IFT27: variants seen among roughly 807,000 people sequenced by gnomAD.
IFT27 encodes intraflagellar transport protein 27 homolog.
IFT27 carries 19 observed loss-of-function variants against 23.9 expected under a neutral mutation model. The observed-to-expected ratio is 0.79, with a 90% confidence interval of 0.55 to 1.16. The LOEUF (loss-of-function observed/expected upper bound fraction) is 1.16, where lower values mean the gene tolerates loss of function less well. Ranked by LOEUF, IFT27 falls within the 50% of genes most tolerant of loss-of-function variation. IFT27 has a pLI of 0.00. For missense variants in IFT27, 206 were observed against 228.7 expected (o/e 0.90, Z 0.64); for synonymous variants, 91 against 89.1 (o/e 1.02, Z -0.12).
At position 36,764,016 on chromosome 22, in the gene IFT27, TAA is replaced by T. The variant is rs1034203314; in HGVS notation, c.253_254del (p.Leu85MetfsTer5). On this transcript the variant is annotated frameshift_variant, in exon 5 of 7. Coordinates refer to ENST00000433985, the MANE Select transcript of IFT27 (RefSeq NM_001177701.3). LOFTEE classifies it high-confidence loss of function. Reference sequence around the variant, plus strand: ...CATTGGTCACATCATAGACGAGACATAAGACATTGGGACTCTCCCACTGTGCA... The same window carrying T: ...CATTGGTCACATCATAGACGAGACATGACATTGGGACTCTCCCACTGTGCA... ...LDKLWESPNV[L>X]CLVYDVTNEE... 2.5e-6 allele frequency: 4 copies of T among 1,613,580 alleles called. No homozygotes were observed. The highest frequency in any genetic ancestry group is 2.5e-6 in the Non-Finnish European group (3 of 1,179,610).
intron 5 of IFT27, chr22:36,763,392 C>T (rs983441327): frequency 1.2e-5 from 3 of 257,296 alleles, no homozygotes; most frequent in Admixed American, 1.0e-4. Context: ...TCTAAGGACT[C>T]GGCTCGGAGT....
At position 36,767,342 on chromosome 22, in the gene IFT27, C is replaced by T; in HGVS notation, c.138G>A (p.Val46=). 1 of 1,613,808 alleles carries T rather than the reference C, an allele frequency of 6.2e-7. No individual in the cohort carries two copies. Among genetic ancestry groups the T allele is most frequent in the Non-Finnish European group, 8.5e-7 (1 of 1,179,830 alleles). ...CCGTGTCAGGAACTGGCACTGTCTT[C>T]ACCACCAAATCCATTCCTGTTGTCT... ...YTLTTGMDLV[V]KTVPVPDTGD... The change falls in exon 3 of 7, where the codon GTG becomes GTA. Residue 46 remains valine, a synonymous_variant. Coordinates refer to ENST00000433985, the MANE Select transcript of IFT27 (RefSeq NM_001177701.3).
intron 2 of IFT27, 45 bp from the exon 3 acceptor site, chr22:36,767,410 G>A: frequency 3.8e-6 from 6 of 1,563,084 alleles, no homozygotes; most frequent in Non-Finnish European, 5.3e-6. Context: ...GCCCCCAAAG[G>A]GAGAGCATGT....
At chr22:36,771,823 A>G (rs1054711391) in intron 1 of IFT27, among the ~76,000 whole-genome samples, 5 of 152,130 alleles carry the variant, frequency 3.3e-5, no homozygotes, top group Non-Finnish European at 7.4e-5. Context: ...TTATCCACCC[A>G]GTGGGTGGCA....
chr22:36,772,851 C>G, intron 1 of IFT27: 1 of 775,522 alleles, frequency 1.3e-6, no homozygotes, highest in Non-Finnish European at 1.6e-6. Flanking sequence ...AAACCAATGG[C>G]ATGTGTGTGG....
chr22:36,758,218 T>C lies in IFT27; in HGVS notation c.*93A>G. 1 of 1,106,070 alleles carries C rather than the reference T, an allele frequency of 9.0e-7. No homozygotes were observed. The highest frequency in any genetic ancestry group is 1.4e-6 in the Non-Finnish European group (1 of 724,360). 68.5% of individuals were successfully genotyped at this position (1,106,070 alleles called of 1,614,324 possible). A position where few individuals can be genotyped will look rare whatever the true frequency, so the allele number is the denominator to read the frequency against. On this transcript the variant is annotated 3_prime_UTR_variant, in exon 7 of 7. Coordinates refer to ENST00000433985, the MANE Select transcript of IFT27 (RefSeq NM_001177701.3). ...GGAAGGAGCTGCTGCTTCGACATTTTCTCCTAATTTTATTTAAAGCCATCA... is the reference window on the plus strand; with the variant it reads ...GGAAGGAGCTGCTGCTTCGACATTTCCTCCTAATTTTATTTAAAGCCATCA...
intron 5 of IFT27, chr22:36,763,611 G>A: frequency 2.1e-6 from 1 of 468,284 alleles, no homozygotes; most frequent in Non-Finnish European, 3.9e-6. Context: ...AGAAAATTAG[G>A]AACTCTTCCC....
intron 1 of IFT27, among the ~76,000 whole-genome samples, chr22:36,770,375 C>A (rs1459687630): frequency 6.6e-6 from 1 of 152,062 alleles, no homozygotes; most frequent in Non-Finnish European, 1.5e-5. Flanking sequence ...TGCCCCTCTG[C>A]CCCCCGAGTG....
At chr22:36,766,354 AGAT>A (rs1190078999) in intron 3 of IFT27, 157 bp from the exon 4 acceptor site, 1 of 658,216 alleles carries the variant, frequency 1.5e-6, no homozygotes, top group African/African-American at 1.8e-5. Context: ...GCACGAGAGA[AGAT>A]GAAGGGGAAA....
intron 5 of IFT27, chr22:36,763,607 T>A (rs550316066): frequency 2.2e-6 from 1 of 459,064 alleles, no homozygotes; most frequent in South Asian, 2.1e-5. Context: ...CAAGAGAAAA[T>A]TAGGAACTCT....
At chr22:36,763,063 A>T in intron 5 of IFT27, 50 bp from the exon 6 acceptor site, 1 of 1,374,612 alleles carries the variant, frequency 7.3e-7, no homozygotes, top group Non-Finnish European at 1.0e-6. Flanking sequence ...CACACTCTGG[A>T]AGGACAGCGG....
chr22:36,768,404 T>C (rs1938310892), intron 1 of IFT27: 5 of 282,502 alleles, frequency 1.8e-5, no homozygotes, highest in Non-Finnish European at 2.8e-5. Flanking sequence ...TGAAATCTCT[T>C]TCCAAATGCT....
At position 36,766,196 on chromosome 22, in the gene IFT27, T is replaced by G. The variant is rs1938245144; in HGVS notation, c.176A>C (p.Glu59Ala). The part of the protein sequence containing the change: ...VPVPDTGDSV[E>A]LFIFDSAGKE... ...GCCAGCAGAGTCAAAAATGAAGAGT[T>G]CCTACAATCAGAAAAGCAAGAAAAG... The change falls in exon 4 of 7, where the codon GAA (glutamate) becomes GCA (alanine). Residue 59 changes from glutamate to alanine, a missense_variant and splice_region_variant. Physicochemically the swap from Glu to Ala is moderately radical, Grantham distance 107. Transcript: ENST00000433985. 2 of 1,613,926 alleles carry G rather than the reference T, an allele frequency of 1.2e-6. No individual in the cohort carries two copies. The highest frequency in any genetic ancestry group is 2.7e-5 in the African/African-American group (2 of 75,018).
chr22:36,760,703 C>T (rs577926800), intron 6 of IFT27: 1 of 155,020 alleles, frequency 6.5e-6, no homozygotes, highest in Admixed American at 6.5e-5. Flanking sequence ...GCAAGCTACA[C>T]AACCTTTCTG....
At chr22:36,766,612 C>T (rs1291773523) in intron 3 of IFT27, among the ~76,000 whole-genome samples, 2 of 152,210 alleles carry the variant, frequency 1.3e-5, no homozygotes, top group Non-Finnish European at 2.9e-5. Context: ...AAGGAGGTCA[C>T]TGAGTAGGCC....
At chr22:36,775,593 G>T in intron 1 of IFT27, 81 bp downstream of exon 1, 1 of 1,474,070 alleles carries the variant, frequency 6.8e-7, no homozygotes, top group Non-Finnish European at 9.5e-7. Flanking sequence ...AGGCAATTTA[G>T]GTGAACAAAA....
chr22:36,766,079 G>C, intron 4 of IFT27, 59 bp downstream of exon 4: 1 of 1,345,236 alleles, frequency 7.4e-7, no homozygotes, highest in Non-Finnish European at 1.1e-6. Flanking sequence ...AGCACTGTCA[G>C]GGGTAAACGT....
chr22:36,772,461 A>G (rs1353351328), intron 1 of IFT27: 29 of 969,006 alleles, frequency 3.0e-5, no homozygotes, highest in Non-Finnish European at 3.3e-5. Context: ...TATAAGTACT[A>G]TTTAAGTGTT....
chr22:36,767,776 A>G lies in IFT27; in HGVS notation c.114+7T>C, dbSNP rs779507263. 1.9e-6 allele frequency: 3 copies of G among 1,612,292 alleles called. No homozygotes were observed. In the South Asian group the frequency reaches 3.3e-5, roughly 18 times the overall value. ...AGCTGTGGCCAGGTCTTGACACCCC[A>G]GCTCACCAGGGTGTAGCTTTTCTGG... On this transcript the variant is annotated splice_region_variant and intron_variant, in intron 2 of 6. Coordinates refer to ENST00000433985, the MANE Select transcript of IFT27 (RefSeq NM_001177701.3).
Sources: allele counts gnomAD v4.1 joint callset (sites outside exome capture counted in the v4.1 genomes callset), GRCh38; gene constraint gnomAD v4.1.1; transcripts MANE v1.5; gene names NCBI Gene and HGNC (gene_info 2026-07-23, HGNC 2026-07-21).